The following KNDC1 variants were observed in gnomAD, a reference collection of about 807,000 sequenced individuals.
The protein encoded by KNDC1 is kinase non-catalytic C-lobe domain-containing protein 1.
KNDC1 carries 106 observed loss-of-function variants against 172.8 expected under a neutral mutation model. That is an observed-to-expected ratio of 0.61 (90% CI 0.52 to 0.72). KNDC1 has a LOEUF of 0.72. Ranked by LOEUF, KNDC1 falls within the 30% of genes least tolerant of loss-of-function variation. The pLI, the probability that KNDC1 is intolerant of heterozygous loss-of-function variation, is 0.00. For missense variants in KNDC1, 2,325 were observed against 2,394.5 expected (o/e 0.97, Z 0.61); for synonymous variants, 1,083 against 1,062.2 (o/e 1.02, Z -0.38).
At chr10:133,172,435 C>T (rs1392049138) in intron 3 of KNDC1, among the ~76,000 whole-genome samples, 1 of 152,142 alleles carries the variant, frequency 6.6e-6, no homozygotes, top group East Asian at 1.9e-4. Flanking sequence ...AGTGTCTTGC[C>T]TTTTGTATAC....
chr10:133,184,313 A>ACAC (rs1288521142), intron 5 of KNDC1, among the ~76,000 whole-genome samples: 1 of 143,012 alleles, frequency 7.0e-6, no homozygotes, highest in Non-Finnish European at 1.5e-5. Context: ...CACACTGCAC[A>ACAC]ACCCATGCAC....
In KNDC1 at chr10:133,201,830, G is replaced by A. The variant is rs558007261; in HGVS notation, c.3319G>A (p.Val1107Ile). 4.8e-5 allele frequency: 71 copies of A among 1,491,540 alleles called. No individual in the cohort carries two copies. The South Asian group carries it at 8.6e-4, about 18-fold the overall frequency. The allele number at this position is 1,491,540 out of a possible 1,614,324, so 92.4% of individuals were successfully genotyped here. ...FYEADCFGAD[V>I]HNYVKDLGRQ... ...CGAGGCCGACTGCTTCGGGGCCGAC[G>A]TCCACAACTACGTGAAGGACCTGGG... The change falls in exon 17 of 30, where the codon GTC becomes ATC. Residue 1107 changes from valine to isoleucine, a missense_variant. Val to Ile is a conservative substitution (Grantham distance 29). Transcript: ENST00000304613.
At chr10:133,195,912 C>T (rs1854178576) in intron 10 of KNDC1, 91 bp downstream of exon 10, 3 of 1,300,394 alleles carry the variant, frequency 2.3e-6, no homozygotes, top group Non-Finnish European at 3.1e-6. Flanking sequence ...GGAGCACGGG[C>T]TGCCAGTGTC....
At chr10:133,177,446 G>A (rs911931241) in intron 3 of KNDC1, among the ~76,000 whole-genome samples, 1 of 59,910 alleles carries the variant, frequency 1.7e-5, no homozygotes, top group Non-Finnish European at 5.4e-5. Flanking sequence ...ATGTAATGTG[G>A]TATGCATCTT....
chr10:133,187,652 G>A (rs747640080), intron 6 of KNDC1, among the ~76,000 whole-genome samples: 8 of 152,230 alleles, frequency 5.3e-5, no homozygotes, highest in South Asian at 2.1e-4. Context: ...CAGGGTGGCC[G>A]AGCCACCTGT....
In KNDC1 at chr10:133,211,513, G is replaced by T; in HGVS notation, c.4000G>T (p.Asp1334Tyr). 1 of 1,614,046 alleles carries T rather than the reference G, an allele frequency of 6.2e-7. No individual in the cohort carries two copies. Among genetic ancestry groups the T allele is most frequent in the Non-Finnish European group, 8.5e-7 (1 of 1,179,920 alleles). ...QAWVEDCYAV[D>Y]FPRNSGLLGK... The stretch of plus-strand genomic sequence containing the variant: ...CTGGGTGGAGGACTGCTACGCTGTG[G>T]ACTTCCCTCGGAACAGCGGGCTGCT... Residue 1334 changes from aspartate to tyrosine, a missense_variant, in exon 22 of 30, where the codon GAC becomes TAC. Transcript: ENST00000304613.
intron 3 of KNDC1, among the ~76,000 whole-genome samples, chr10:133,171,120 G>A (rs1209712870): frequency 2.6e-5 from 4 of 152,202 alleles, no homozygotes; most frequent in African/African-American, 7.2e-5. Context: ...TATTTTCTAC[G>A]AAGAGTTTTA....
intron 6 of KNDC1, among the ~76,000 whole-genome samples, chr10:133,187,589 G>A (rs911635053): frequency 2.6e-5 from 4 of 152,206 alleles, no homozygotes; most frequent in South Asian, 2.1e-4. Flanking sequence ...TCTCCCTGGC[G>A]GCACGCCTTC....
chr10:133,187,393 C>A (rs1359988681), intron 6 of KNDC1, among the ~76,000 whole-genome samples: 1 of 152,250 alleles, frequency 6.6e-6, no homozygotes, highest in African/African-American at 2.4e-5. Flanking sequence ...CCCTCCTTGG[C>A]TCCTCAGTGA....
At chr10:133,211,934 C>T in intron 23 of KNDC1, 76 bp downstream of exon 23, 1 of 1,418,768 alleles carries the variant, frequency 7.0e-7, no homozygotes, top group Non-Finnish European at 9.5e-7. Context: ...AAAGACACAA[C>T]TGGTGCATGC....
rs1852919848 is a variant in KNDC1 at position 133,160,377 on chromosome 10, G to C, written c.-91G>C. The C allele has an allele frequency of 5.1e-6, 3 of 583,872 alleles. 1 individual carries two copies. The South Asian group carries it at 2.4e-4, about 46-fold the overall frequency. The allele number at this position is 583,872 out of a possible 1,614,324, so 36.2% of individuals were successfully genotyped here. A position where few individuals can be genotyped will look rare whatever the true frequency, so the allele number is the denominator to read the frequency against. ...GGGCGGGCGGGGGCGGGCGAGGGCC[G>C]GGCGCGTCTCCATGGAGCCAGGGCG... is the stretch of plus-strand genomic sequence containing the variant. On this transcript the variant is annotated 5_prime_UTR_variant, in exon 1 of 30. Coordinates refer to ENST00000304613, the MANE Select transcript of KNDC1 (RefSeq NM_152643.8).
At position 133,205,767 on chromosome 10, in the gene KNDC1, G is replaced by A. The variant is rs564206112; in HGVS notation, c.3388-918G>A. 2.0e-4 allele frequency among the ~76,000 whole-genome samples: 31 copies of A among 152,272 alleles called. No individual in the cohort carries two copies. In the South Asian group the frequency reaches 5.0e-3, roughly 24 times the overall value. On this transcript the variant is annotated intron_variant, in intron 17 of 29. Coordinates refer to ENST00000304613, the MANE Select transcript of KNDC1 (RefSeq NM_152643.8). ...GAGAAATGCTTGAACCCAGGGAGTT[G>A]GAGGTTGCAGTGAGTTGTGATCGCG...
At chr10:133,161,454 C>T (rs1312442671) in intron 1 of KNDC1, among the ~76,000 whole-genome samples, 2 of 152,194 alleles carry the variant, frequency 1.3e-5, no homozygotes, top group African/African-American at 2.4e-5. Context: ...CAGGGAATCC[C>T]GGCTGCAGCA....
intron 23 of KNDC1, 119 bp downstream of exon 23, chr10:133,211,977 C>A: frequency 1.1e-6 from 1 of 945,322 alleles, no homozygotes; most frequent in Non-Finnish European, 1.6e-6. Flanking sequence ...ATGGGCACAG[C>A]TGTATACATG....
At chr10:133,197,525 C>A in intron 11 of KNDC1, 150 bp from the exon 12 acceptor site, 1 of 687,940 alleles carries the variant, frequency 1.5e-6, no homozygotes, top group Non-Finnish European at 2.5e-6. Context: ...AGAGCCGCTG[C>A]AGAGCTTGGG....
chr10:133,195,845 C>T, intron 10 of KNDC1, 24 bp downstream of exon 10: 1 of 1,517,506 alleles, frequency 6.6e-7, no homozygotes, highest in Non-Finnish European at 8.8e-7. Context: ...AGTCATGGCC[C>T]CAGCCCAGGG....
At chr10:133,173,986 C>G (rs1044634024) in intron 3 of KNDC1, 12 of 152,312 alleles carry the variant, frequency 7.9e-5, no homozygotes, top group Admixed American at 3.3e-4. Context: ...CCAATGGGCT[C>G]CAGTGGCCCG....
intron 1 of KNDC1, among the ~76,000 whole-genome samples, chr10:133,165,705 GT>G (rs1317715269): frequency 1.3e-5 from 2 of 152,248 alleles, no homozygotes; most frequent in Non-Finnish European, 2.9e-5. Context: ...GTGTGCATGT[GT>G]TTGTGTGTAC....
At chr10:133,176,726 C>T (rs1022009479) in intron 3 of KNDC1, among the ~76,000 whole-genome samples, 2 of 152,218 alleles carry the variant, frequency 1.3e-5, no homozygotes, top group African/African-American at 4.8e-5. Context: ...TGTAGTTTTG[C>T]TAATGTGCTC....
Sources: allele counts gnomAD v4.1 joint callset (sites outside exome capture counted in the v4.1 genomes callset), GRCh38; gene constraint gnomAD v4.1.1; transcripts MANE v1.5; gene names NCBI Gene and HGNC (gene_info 2026-07-23, HGNC 2026-07-21).